The following RIMS2 variants were observed in gnomAD, a reference collection of about 807,000 sequenced individuals.
The protein encoded by RIMS2 is regulating synaptic membrane exocytosis protein 2.
RIMS2 carries 59 observed loss-of-function variants against 174.4 expected under a neutral mutation model. That is an observed-to-expected ratio of 0.34 (90% CI 0.27 to 0.42). The LOEUF is 0.42. Among genes scored for constraint, RIMS2 ranks in the 10% least tolerant of loss-of-function variants. The probability of loss-of-function intolerance (pLI) is 1.00; values close to 1 mark genes in which losing one functional copy is unlikely to be tolerated. For synonymous variants in RIMS2, 606 were observed against 572.5 expected (o/e 1.06, Z -0.84); for missense variants, 1,620 against 1,666.3 (o/e 0.97, Z 0.48).
At position 103,758,811 on chromosome 8, in the gene RIMS2, C is replaced by A. The variant is rs368280074; in HGVS notation, c.388-7416C>A. On this transcript the variant is annotated intron_variant, in intron 2 of 23. Transcript: ENST00000504942. ...ATCATGGCATAAAACAACTTACTTACAAATTACAAATAAGTAGAGAAAAAT... is the reference window on the plus strand; with the variant it reads ...ATCATGGCATAAAACAACTTACTTAAAAATTACAAATAAGTAGAGAAAAAT... 5.3e-5 allele frequency among the ~76,000 whole-genome samples: 8 copies of A among 152,192 alleles called. No homozygotes were observed. In the East Asian group the frequency reaches 1.5e-3, roughly 29 times the overall value.
chr8:103,521,273 C>G (rs960702989), intron 1 of RIMS2, among the ~76,000 whole-genome samples: 3 of 151,668 alleles, frequency 2.0e-5, no homozygotes, highest in Non-Finnish European at 4.4e-5. Context: ...TACCCTAAAA[C>G]TTAAAGTATA....
downstream of RIMS2, chr8:104,254,012 T>G (rs935991557): frequency 4.6e-5 from 7 of 152,202 alleles, no homozygotes; most frequent in African/African-American, 1.7e-4. Context: ...CAGCAACAAT[T>G]GATTTAATAG....
intron 19 of RIMS2, among the ~76,000 whole-genome samples, chr8:104,022,150 C>T (rs1164623561): frequency 1.3e-5 from 2 of 152,162 alleles, no homozygotes; most frequent in African/African-American, 4.8e-5. Context: ...ACATCTGGAA[C>T]AATGGCTGGT....
At chr8:104,244,822 G>T in intron 19 of RIMS2, 94 bp from the exon 26 acceptor site, 1 of 975,452 alleles carries the variant, frequency 1.0e-6, no homozygotes, top group Non-Finnish European at 1.6e-6. Flanking sequence ...TATTTACACA[G>T]TTCTTTGCAT....
chr8:103,665,188 A>G (rs1329319128), intron 1 of RIMS2, among the ~76,000 whole-genome samples: 2 of 152,204 alleles, frequency 1.3e-5, no homozygotes, highest in African/African-American at 4.8e-5. Context: ...TGACAAGTTG[A>G]TGGGTGCAGC....
intron 1 of RIMS2, among the ~76,000 whole-genome samples, chr8:103,550,093 G>A (rs967043153): frequency 6.6e-6 from 1 of 152,124 alleles, no homozygotes; most frequent in Non-Finnish European, 1.5e-5. Context: ...ACTCAGCTCT[G>A]CACCAAGCAG....
chr8:103,641,065 C>A (rs947305222), intron 1 of RIMS2, among the ~76,000 whole-genome samples: 1 of 152,100 alleles, frequency 6.6e-6, no homozygotes, highest in African/African-American at 2.4e-5. Flanking sequence ...GTTATGTTTT[C>A]TTGGAGGAAT....
At chr8:103,574,180 C>T (rs2093039534) in intron 1 of RIMS2, among the ~76,000 whole-genome samples, 1 of 151,932 alleles carries the variant, frequency 6.6e-6, no homozygotes, top group African/African-American at 2.4e-5. Flanking sequence ...CTTAGAACGA[C>T]CTAAGAGATA....
intron 19 of RIMS2, among the ~76,000 whole-genome samples, chr8:104,031,689 G>A (rs1348685592): frequency 1.3e-5 from 2 of 152,010 alleles, no homozygotes; most frequent in African/African-American, 4.8e-5. Flanking sequence ...GAAGTTACAT[G>A]GGAAGACCAG....
intron 1 of RIMS2, among the ~76,000 whole-genome samples, chr8:103,623,777 C>T (rs2095704064): frequency 6.7e-6 from 1 of 149,920 alleles, no homozygotes; most frequent in Non-Finnish European, 1.5e-5. Flanking sequence ...GCGTGAGCCA[C>T]CGCGCCCGGT....
chr8:103,823,229 A>G (rs1177947541), intron 3 of RIMS2, among the ~76,000 whole-genome samples: 1 of 151,976 alleles, frequency 6.6e-6, no homozygotes, highest in Non-Finnish European at 1.5e-5. Context: ...TAGATATTAA[A>G]AACAGTCTTT....
At chr8:104,169,120 T>C (rs1586420436) in intron 19 of RIMS2, among the ~76,000 whole-genome samples, 1 of 151,670 alleles carries the variant, frequency 6.6e-6, no homozygotes, top group African/African-American at 2.4e-5. Flanking sequence ...GTTTTCTTTT[T>C]TTTGTTAAGT....
intron 2 of RIMS2, among the ~76,000 whole-genome samples, chr8:103,757,196 G>T (rs1285240725): frequency 6.6e-6 from 1 of 152,116 alleles, no homozygotes; most frequent in East Asian, 1.9e-4. Context: ...TAGAGGTTTT[G>T]TAGATATCCT....
chr8:104,077,957 A>G (rs1022559815), intron 19 of RIMS2, among the ~76,000 whole-genome samples: 18 of 151,908 alleles, frequency 1.2e-4, no homozygotes, highest in Non-Finnish European at 7.4e-5. Context: ...AGCCTGGCCA[A>G]CATGGTGAAA....
chr8:103,503,792 A>T (rs1272899319), intron 1 of RIMS2, among the ~76,000 whole-genome samples: 1 of 152,026 alleles, frequency 6.6e-6, no homozygotes, highest in Admixed American at 6.5e-5. Flanking sequence ...AGATGACAAT[A>T]CCTAGATGCA....
At chr8:104,190,588 C>T (rs1011551323) in intron 19 of RIMS2, among the ~76,000 whole-genome samples, 2 of 152,024 alleles carry the variant, frequency 1.3e-5, no homozygotes, top group African/African-American at 2.4e-5. Context: ...TTGTCTCCTC[C>T]AAATATATTC....
At chr8:104,118,448 C>G (rs1365811164) in intron 19 of RIMS2, among the ~76,000 whole-genome samples, 3 of 150,036 alleles carry the variant, frequency 2.0e-5, no homozygotes, top group African/African-American at 7.4e-5. Context: ...CTCACTGCAG[C>G]CTCCATCTCC....
At chr8:103,588,675 A>G (rs993917482) in intron 1 of RIMS2, among the ~76,000 whole-genome samples, 3 of 152,138 alleles carry the variant, frequency 2.0e-5, no homozygotes, top group Admixed American at 6.6e-5. Flanking sequence ...AGTCTCTTCA[A>G]TAAATGGTGC....
chr8:104,179,897 C>G (rs913273471), intron 19 of RIMS2, among the ~76,000 whole-genome samples: 1 of 151,744 alleles, frequency 6.6e-6, no homozygotes, highest in Admixed American at 6.6e-5. Context: ...AAAGATAACC[C>G]CTGTTAACAT....
Sources: gnomAD v4.1 joint callset for allele counts (sites outside exome capture counted in the v4.1 genomes callset) on GRCh38, gnomAD v4.1.1 for gene constraint, MANE v1.5 for transcripts, NCBI Gene and HGNC (gene_info 2026-07-23, HGNC 2026-07-21) for gene names.